Variants in ZNF804B observed in about 807,000 individuals in gnomAD.
ZNF804B encodes zinc finger 804B.
In ZNF804B, 80 loss-of-function variants were observed where a neutral mutation model predicts 101.4. The ratio of observed to expected loss-of-function variants is 0.79; its 90% CI spans 0.66 to 0.95. The LOEUF (loss-of-function observed/expected upper bound fraction) is 0.95, where lower values mean the gene tolerates loss of function less well. Ranked by LOEUF, ZNF804B falls within the 40% of genes least tolerant of loss-of-function variation. ZNF804B has a pLI of 0.00. For missense variants in ZNF804B, 1,673 were observed against 1,561.9 expected, an observed-to-expected ratio of 1.07 and a Z score of -1.20; for synonymous variants, 622 against 558.8, an observed-to-expected ratio of 1.11 and a Z score of -1.59.
chr7:88,778,819 C>G (rs898214896), intron 1 of ZNF804B, among the ~76,000 whole-genome samples: 1 of 152,116 alleles, frequency 6.6e-6, no homozygotes, highest in African/African-American at 2.4e-5. Context: ...CTGGTGGAGC[C>G]GCCGATATGC....
intron 2 of ZNF804B, among the ~76,000 whole-genome samples, chr7:89,282,162 CT>C (rs1790108509): frequency 6.9e-6 from 1 of 145,336 alleles, no homozygotes; most frequent in African/African-American, 2.6e-5. Flanking sequence ...GATCCCGCCA[CT>C]GCACTCCAGC....
intron 1 of ZNF804B, among the ~76,000 whole-genome samples, chr7:89,212,342 A>C (rs2115681512): frequency 6.6e-6 from 1 of 152,086 alleles, no homozygotes; most frequent in South Asian, 2.1e-4. Context: ...GAAGAAAAAT[A>C]ATTTTCTTCT....
At chr7:88,934,072 T>G (rs1234148642) in intron 1 of ZNF804B, among the ~76,000 whole-genome samples, 1 of 151,920 alleles carries the variant, frequency 6.6e-6, no homozygotes, top group Non-Finnish European at 1.5e-5. Context: ...AAAATAGACA[T>G]GTAGACCAAT....
At chr7:88,834,710 T>C (rs1436365797) in intron 1 of ZNF804B, among the ~76,000 whole-genome samples, 4 of 151,618 alleles carry the variant, frequency 2.6e-5, no homozygotes, top group African/African-American at 9.7e-5. Flanking sequence ...GAACAAAACA[T>C]CACCTTAAGT....
intron 1 of ZNF804B, among the ~76,000 whole-genome samples, chr7:89,153,284 A>C (rs1236497824): frequency 6.6e-6 from 1 of 151,736 alleles, no homozygotes; most frequent in Non-Finnish European, 1.5e-5. Context: ...AGAAGCTATC[A>C]ATTACCATAG....
At chr7:88,855,884 T>C (rs952280802) in intron 1 of ZNF804B, among the ~76,000 whole-genome samples, 12 of 152,196 alleles carry the variant, frequency 7.9e-5, no homozygotes, top group Non-Finnish European at 1.6e-4. Context: ...TTGCTTGTTT[T>C]TGTCAGGTTT....
Position 88,771,110 on chromosome 7 carries a change from A to G in ZNF804B, c.108+11026A>G, listed in dbSNP as rs1029583838. 1.5e-4 allele frequency among the ~76,000 whole-genome samples: 23 copies of G among 152,118 alleles called. 1 individual carries two copies. Among genetic ancestry groups the G allele is most frequent in the South Asian group, 4.1e-4 (2 of 4,834 alleles). ...TACCCAGATGTTTCCCTGTCATACC[A>G]TCTACATCCTGTATCCAGAGGGTAA... On this transcript the variant is annotated intron_variant, in intron 1 of 3. Transcript: ENST00000333190.
chr7:88,955,861 G>T (rs1793298046), intron 1 of ZNF804B, among the ~76,000 whole-genome samples: 1 of 151,338 alleles, frequency 6.6e-6, no homozygotes, highest in Admixed American at 6.6e-5. Context: ...TCCAACTAGG[G>T]ACTAATATCC....
chr7:88,955,079 G>A (rs1041133541), intron 1 of ZNF804B, among the ~76,000 whole-genome samples: 6 of 146,894 alleles, frequency 4.1e-5, no homozygotes, highest in Non-Finnish European at 7.5e-5. Flanking sequence ...GGGCAATATC[G>A]TGAGCCCTTG....
At chr7:88,852,522 A>G (rs1320324243) in intron 1 of ZNF804B, among the ~76,000 whole-genome samples, 1 of 152,054 alleles carries the variant, frequency 6.6e-6, no homozygotes, top group African/African-American at 2.4e-5. Context: ...TCAGATTAAA[A>G]ATGACTGACC....
chr7:89,335,799 A>G lies in ZNF804B; in HGVS notation c.2817A>G (p.Glu939=). 2.5e-6 allele frequency: 4 copies of G among 1,614,062 alleles called. No individual in the cohort carries two copies. Among genetic ancestry groups the G allele is most frequent in the Non-Finnish European group, 3.4e-6 (4 of 1,179,974 alleles). ...LERVQAKKCQ[E]QSSNVEISSN... is the part of the protein sequence containing the mutation. ...GAGTACAAGCCAAGAAATGTCAAGAACAATCAAGTAATGTTGAGATCTCTT... is the reference window on the plus strand; with the variant it reads ...GAGTACAAGCCAAGAAATGTCAAGAGCAATCAAGTAATGTTGAGATCTCTT... Residue 939 remains glutamate, a synonymous_variant, in exon 4 of 4, where the codon GAA becomes GAG. Transcript: ENST00000333190.
chr7:88,870,374 A>G (rs1052089132), intron 1 of ZNF804B, among the ~76,000 whole-genome samples: 2 of 133,734 alleles, frequency 1.5e-5, no homozygotes, highest in Admixed American at 1.5e-4. Flanking sequence ...GACAGAGCGA[A>G]ACTCCGTCTC....
At chr7:88,906,810 T>A (rs1792477082) in intron 1 of ZNF804B, among the ~76,000 whole-genome samples, 1 of 152,116 alleles carries the variant, frequency 6.6e-6, no homozygotes, top group Non-Finnish European at 1.5e-5. Flanking sequence ...CTCAACAATG[T>A]ATATAATGCT....
chr7:88,945,732 T>G (rs1323337811), intron 1 of ZNF804B, among the ~76,000 whole-genome samples: 2 of 152,150 alleles, frequency 1.3e-5, no homozygotes, highest in African/African-American at 4.8e-5. Flanking sequence ...GCATGGAATA[T>G]TTTTCCATTT....
chr7:88,961,366 T>A (rs1369572390), intron 1 of ZNF804B, among the ~76,000 whole-genome samples: 11 of 151,370 alleles, frequency 7.3e-5, no homozygotes. Context: ...TTGCTGGTGT[T>A]CTCCAATTAA....
At chr7:89,297,983 A>AT (rs200421723) in intron 2 of ZNF804B, among the ~76,000 whole-genome samples, 96 of 135,922 alleles carry the variant, frequency 7.1e-4, no homozygotes, top group African/African-American at 9.1e-4. Flanking sequence ...CATTTACTTA[A>AT]TTTTTTTTTT....
intron 1 of ZNF804B, among the ~76,000 whole-genome samples, chr7:89,107,115 T>C (rs190395531): frequency 2.6e-5 from 4 of 152,244 alleles, no homozygotes; most frequent in Admixed American, 2.0e-4. Flanking sequence ...AATTGGAAAT[T>C]GCCCTGGTAG....
chr7:88,943,221 G>A (rs1387291492), intron 1 of ZNF804B, among the ~76,000 whole-genome samples: 1 of 151,870 alleles, frequency 6.6e-6, no homozygotes, highest in Admixed American at 6.6e-5. Context: ...TCTATTTTAT[G>A]TATTAATAAT....
At chr7:88,844,201 C>T (rs1295605878) in intron 1 of ZNF804B, among the ~76,000 whole-genome samples, 2 of 152,098 alleles carry the variant, frequency 1.3e-5, no homozygotes, top group Admixed American at 6.5e-5. Context: ...CAAAGAGTAT[C>T]ATTACTATAC....
Sources: gnomAD v4.1 joint callset for allele counts (sites outside exome capture counted in the v4.1 genomes callset) on GRCh38, gnomAD v4.1.1 for gene constraint, MANE v1.5 for transcripts, NCBI Gene and HGNC (gene_info 2026-07-23, HGNC 2026-07-21) for gene names.